The following BATF2 variants were observed in gnomAD, a reference collection of about 807,000 sequenced individuals.
BATF2 encodes the protein basic leucine zipper ATF-like transcription factor 2.
A neutral mutation model predicts 7.3 loss-of-function variants in BATF2; 4 were observed. The observed-to-expected ratio is 0.55, with a 90% CI of 0.27 to 1.26. The LOEUF is 1.26. BATF2 is among the 50% of genes most tolerant of loss of function. The pLI is 0.11. For synonymous variants in BATF2, 152 were observed against 153.9 expected (o/e 0.99, Z 0.09); for missense variants, 295 against 340.5 (o/e 0.87, Z 1.05).
intron 2 of BATF2, among the ~76,000 whole-genome samples, chr11:64,991,626 T>A (rs1177157325): frequency 1.3e-5 from 2 of 152,134 alleles, no homozygotes; most frequent in Non-Finnish European, 2.9e-5. Context: ...TTCCCTCTTC[T>A]CTGCTTTAGT....
chr11:64,993,460 G>A (rs964509936), intron 2 of BATF2, among the ~76,000 whole-genome samples: 1 of 152,226 alleles, frequency 6.6e-6, no homozygotes, highest in African/African-American at 2.4e-5. Context: ...ACAGCGAGAA[G>A]GCAGCCACTT....
At chr11:64,995,577 C>T (rs1446677648) in intron 1 of BATF2, among the ~76,000 whole-genome samples, 1 of 152,120 alleles carries the variant, frequency 6.6e-6, no homozygotes, top group African/African-American at 2.4e-5. Flanking sequence ...AGGTTGTGAC[C>T]ACCTTGTACC....
intron 2 of BATF2, chr11:64,990,176 C>T: frequency 4.6e-6 from 7 of 1,535,712 alleles, no homozygotes; most frequent in Non-Finnish European, 6.1e-6. Context: ...AGGTTAAAGC[C>T]CTTTAGAGGC....
Position 64,994,438 on chromosome 11 carries a change from TTGTCCACACC to T in BATF2, c.141_141+9del. The T allele has an allele frequency of 6.4e-7, 1 of 1,566,550 alleles. No homozygotes were observed. Among genetic ancestry groups the T allele is most frequent in the Non-Finnish European group, 8.7e-7 (1 of 1,155,020 alleles). On this transcript the variant is annotated splice_donor_variant and splice_donor_5th_base_variant and coding_sequence_variant and intron_variant, in exon 2 of 3. Transcript: ENST00000301887. LOFTEE classifies it high-confidence loss of function. The stretch of plus-strand genomic sequence containing the variant: ...CAGAGACAAGGAAAGGGGTTAGGGG[TTGTCCACACC>T]TGGTGCAGGGCGTCTGCCTTGTCTG...
rs762446894 is a variant in BATF2, at chr11:64,989,089, T to G, written c.*40A>C. 2 of 1,606,674 alleles carry G rather than the reference T, an allele frequency of 1.2e-6. No homozygotes were observed. Among genetic ancestry groups the G allele is most frequent in the African/African-American group, 1.3e-5 (1 of 74,700 alleles). On this transcript the variant is annotated 3_prime_UTR_variant, in exon 3 of 3. Transcript: ENST00000301887. This position sits in a 1 kb window ranked among gnomAD's most constrained non-coding sequence, Gnocchi z 4.3. ...AGGCCCGTGTGCTAAGGCTGCTTCC[T>G]GAGCCCAAAGAAGGGGCCAACCCAG...
rs1446082550 is a variant in BATF2, at chr11:64,989,920, A to G, written c.142-108T>C. The G allele has an allele frequency of 7.6e-6, 11 of 1,453,104 alleles. No homozygotes were observed. The highest frequency in any genetic ancestry group is 1.0e-5 in the Non-Finnish European group (11 of 1,061,432). The allele number at this position is 1,453,104 out of a possible 1,614,324, so 90.0% of individuals were successfully genotyped here. A position where few individuals can be genotyped will look rare whatever the true frequency, so the allele number is the denominator to read the frequency against. ...TCAACTTCAGGAGAAAGATGCCACC[A>G]CCATTGGAATAGCCAAGTGGGGTCT... On this transcript the variant is annotated intron_variant, in intron 2 of 2. Coordinates refer to ENST00000301887, the MANE Select transcript of BATF2 (RefSeq NM_138456.4). The surrounding 1 kb of genome is among the most constrained non-coding windows in gnomAD (Gnocchi z 4.3).
rs111375653 is a variant in BATF2 at position 64,989,001 on chromosome 11, G to A, written c.*128C>T. 5.9e-3 allele frequency: 6,135 copies of A among 1,039,768 alleles called. 231 individuals carry two copies. In the African/African-American group the frequency reaches 0.084, roughly 14 times the overall value. 64.4% of individuals were successfully genotyped at this position (1,039,768 alleles called of 1,614,324 possible). On this transcript the variant is annotated 3_prime_UTR_variant, in exon 3 of 3. Transcript: ENST00000301887. This position sits in a 1 kb window ranked among gnomAD's most constrained non-coding sequence, Gnocchi z 4.3. Reference sequence around the variant, plus strand: ...AGGCATCAGTGGTGGCTTCCTTTTCGACTGTGAAATCCTGGGCCAGCTGGT... The same window carrying A: ...AGGCATCAGTGGTGGCTTCCTTTTCAACTGTGAAATCCTGGGCCAGCTGGT...
Position 64,989,075 on chromosome 11 carries a change from C to CTA in BATF2, c.*52_*53dup. ...TAGTGAGGGAGGAGAGGCCCGTGTG[C>CTA]TAAGGCTGCTTCCTGAGCCCAAAGA... On this transcript the variant is annotated 3_prime_UTR_variant, in exon 3 of 3. Transcript: ENST00000301887. The surrounding 1 kb of genome is among the most constrained non-coding windows in gnomAD (Gnocchi z 4.3). 1 of 1,589,966 alleles carries CTA rather than the reference C, an allele frequency of 6.3e-7. No homozygotes were observed. The highest frequency in any genetic ancestry group is 8.6e-7 in the Non-Finnish European group (1 of 1,158,624).
At chr11:64,995,465 A>C (rs565596216) in intron 1 of BATF2, among the ~76,000 whole-genome samples, 99 of 152,282 alleles carry the variant, frequency 6.5e-4, no homozygotes, top group Non-Finnish European at 1.2e-3. Flanking sequence ...ATAGCAAACA[A>C]AATACACACA....
chr11:64,989,006 T>G lies in BATF2; in HGVS notation c.*123A>C. 8.9e-7 allele frequency: 1 copy of G among 1,120,818 alleles called. No individual in the cohort carries two copies. Among genetic ancestry groups the G allele is most frequent in the African/African-American group, 1.5e-5 (1 of 64,702 alleles). 69.4% of individuals were successfully genotyped at this position (1,120,818 alleles called of 1,614,324 possible). ...TCAGTGGTGGCTTCCTTTTCGACTG[T>G]GAAATCCTGGGCCAGCTGGTCAGCC... On this transcript the variant is annotated 3_prime_UTR_variant, in exon 3 of 3. Coordinates refer to ENST00000301887, the MANE Select transcript of BATF2 (RefSeq NM_138456.4). This position sits in a 1 kb window ranked among gnomAD's most constrained non-coding sequence, Gnocchi z 4.3.
intron 2 of BATF2, among the ~76,000 whole-genome samples, chr11:64,991,188 G>C (rs1590720564): frequency 8.8e-6 from 1 of 113,554 alleles, no homozygotes; most frequent in Admixed American, 1.2e-4. Flanking sequence ...ACAGAGTTTT[G>C]CTCTGTCGCC....
At chr11:64,994,205 C>T (rs972959678) in intron 2 of BATF2, among the ~76,000 whole-genome samples, 13 of 152,298 alleles carry the variant, frequency 8.5e-5, no homozygotes, top group East Asian at 1.9e-4. Context: ...CCTTAGGACA[C>T]GGCTGGGCTG....
rs1946041064 is a variant in BATF2 at position 64,988,415 on chromosome 11, G to C, written c.*714C>G. ...CAGTGGGGAGGCAGGGAGCTATTTG[G>C]GAACAGCCTGGAAAGCTGACCCTGC... is the stretch of plus-strand genomic sequence containing the variant. On this transcript the variant is annotated 3_prime_UTR_variant, in exon 3 of 3. Transcript: ENST00000301887. 6.6e-6 allele frequency: 1 copy of C among 152,084 alleles called. No individual in the cohort carries two copies. The highest frequency in any genetic ancestry group is 6.6e-5 in the Admixed American group (1 of 15,252). The allele number at this position is 152,084 out of a possible 1,614,324, so 9.4% of individuals were successfully genotyped here.
intron 1 of BATF2, among the ~76,000 whole-genome samples, chr11:64,996,568 G>A (rs1025400561): frequency 2.6e-5 from 4 of 152,186 alleles, no homozygotes; most frequent in Admixed American, 6.5e-5. Context: ...GGAGAAGGAA[G>A]GAAAGGCTGC....
At chr11:64,992,614 A>G (rs535129140) in intron 2 of BATF2, among the ~76,000 whole-genome samples, 1 of 152,176 alleles carries the variant, frequency 6.6e-6, no homozygotes, top group Non-Finnish European at 1.5e-5. Context: ...TAATCCCAGC[A>G]CTTTGGGAGG....
At chr11:64,996,648 G>A (rs993067837) in intron 1 of BATF2, among the ~76,000 whole-genome samples, 1 of 152,204 alleles carries the variant, frequency 6.6e-6, no homozygotes, top group African/African-American at 2.4e-5. Context: ...GTTCTAAACC[G>A]AAGGCTGGAT....
chr11:64,993,055 A>T (rs546828291), intron 2 of BATF2, among the ~76,000 whole-genome samples: 1 of 151,364 alleles, frequency 6.6e-6, no homozygotes, highest in East Asian at 1.9e-4. Flanking sequence ...ATAAATGAAT[A>T]AAAAATTAAA....
intron 2 of BATF2, chr11:64,990,338 G>A (rs1435413102): frequency 6.8e-7 from 1 of 1,462,844 alleles, no homozygotes; most frequent in Non-Finnish European, 9.0e-7. Context: ...TGTTTCCTCT[G>A]CCTGGACACC....
In BATF2 at chr11:64,988,296, T is replaced by A. The variant is rs1334622595; in HGVS notation, c.*833A>T. 1 of 152,340 alleles carries A rather than the reference T, an allele frequency of 6.6e-6. No individual in the cohort carries two copies. Among genetic ancestry groups the A allele is most frequent in the Non-Finnish European group, 1.5e-5 (1 of 68,120 alleles). The allele number at this position is 152,340 out of a possible 1,614,324, so 9.4% of individuals were successfully genotyped here. On this transcript the variant is annotated 3_prime_UTR_variant, in exon 3 of 3. Coordinates refer to ENST00000301887, the MANE Select transcript of BATF2 (RefSeq NM_138456.4). ...GTGCTGTCAGGTACAAGCCCATCCC[T>A]GCCTGCAAATAACCTTGCACAGGGT...
Sources: gnomAD v4.1 joint callset for allele counts (sites outside exome capture counted in the v4.1 genomes callset) on GRCh38, gnomAD v4.1.1 for gene constraint, Gnocchi (gnomAD v3.1) non-coding constraint, MANE v1.5 for transcripts, NCBI Gene and HGNC (gene_info 2026-07-23, HGNC 2026-07-21) for gene names.